Variants in LUZP2 observed in about 807,000 individuals in gnomAD.
LUZP2 encodes leucine zipper protein 2.
Under a neutral mutation model 51.6 loss-of-function variants are expected in LUZP2, and 52 were observed. That is an observed-to-expected ratio of 1.01 (90% CI 0.81 to 1.27). The LOEUF is 1.27. Ranked by LOEUF, LUZP2 falls within the 50% of genes most tolerant of loss-of-function variation. LUZP2 has a pLI of 0.00. For missense variants in LUZP2, 436 were observed against 395.4 expected, an observed-to-expected ratio of 1.10 and a Z score of -0.87; for synonymous variants, 154 against 137.3, an observed-to-expected ratio of 1.12 and a Z score of -0.85.
chr11:24,530,958 C>T (rs1286296624), intron 1 of LUZP2, among the ~76,000 whole-genome samples: 1 of 149,708 alleles, frequency 6.7e-6, no homozygotes, highest in Admixed American at 6.7e-5. Flanking sequence ...CTCCCTATAA[C>T]ATCTGTGTTC....
intron 1 of LUZP2, among the ~76,000 whole-genome samples, chr11:24,541,322 G>A (rs1428275358): frequency 6.6e-6 from 1 of 151,002 alleles, no homozygotes; most frequent in Non-Finnish European, 1.5e-5. Flanking sequence ...CAGCCCAAAG[G>A]ATTAGATATC....
intron 1 of LUZP2, among the ~76,000 whole-genome samples, chr11:24,523,392 G>A (rs1178075582): frequency 2.0e-5 from 3 of 151,418 alleles, no homozygotes; most frequent in African/African-American, 4.8e-5. Flanking sequence ...AACATTTTTG[G>A]TAAATTCTTT....
intron 7 of LUZP2, among the ~76,000 whole-genome samples, chr11:24,928,035 C>T (rs1404328322): frequency 6.6e-6 from 1 of 151,896 alleles, no homozygotes; most frequent in East Asian, 1.9e-4. Context: ...ATTTATTTAT[C>T]AGTTTGATCA....
At chr11:24,757,039 G>C (rs1179601908) in intron 4 of LUZP2, among the ~76,000 whole-genome samples, 1 of 152,140 alleles carries the variant, frequency 6.6e-6, no homozygotes, top group African/African-American at 2.4e-5. Context: ...TATGGGGAAG[G>C]GGCATGGGGC....
intron 9 of LUZP2, among the ~76,000 whole-genome samples, chr11:24,997,895 G>C (rs1856555768): frequency 6.6e-6 from 1 of 152,134 alleles, no homozygotes; most frequent in African/African-American, 2.4e-5. Flanking sequence ...CCCATTGCTT[G>C]TTTTTCTCAG....
intron 5 of LUZP2, among the ~76,000 whole-genome samples, chr11:24,832,633 A>C (rs2134181803): frequency 6.6e-6 from 1 of 151,752 alleles, no homozygotes; most frequent in South Asian, 2.1e-4. Context: ...CTAAAGTTTG[A>C]GACACACTAT....
intron 5 of LUZP2, among the ~76,000 whole-genome samples, chr11:24,837,670 A>C (rs1351178331): frequency 6.6e-6 from 1 of 151,754 alleles, no homozygotes; most frequent in Non-Finnish European, 1.5e-5. Context: ...TGAAGCTTCA[A>C]TTTGTAAAGT....
chr11:24,941,306 A>G (rs1854738553), intron 7 of LUZP2, among the ~76,000 whole-genome samples: 4 of 152,192 alleles, frequency 2.6e-5, no homozygotes, highest in Admixed American at 2.6e-4. Context: ...AAAGTTTTAT[A>G]AAATATATCA....
intron 1 of LUZP2, among the ~76,000 whole-genome samples, chr11:24,567,220 A>C (rs189173282): frequency 6.6e-6 from 1 of 151,396 alleles, no homozygotes; most frequent in East Asian, 1.9e-4. Flanking sequence ...TTGGTTAGAG[A>C]GGCTAAAGAG....
chr11:24,869,038 A>G (rs1286656913), intron 5 of LUZP2, among the ~76,000 whole-genome samples: 1 of 152,164 alleles, frequency 6.6e-6, no homozygotes, highest in Non-Finnish European at 1.5e-5. Context: ...TTTGGAACTT[A>G]CCAGCCTCAA....
chr11:24,563,184 T>C (rs1211703850), intron 1 of LUZP2, among the ~76,000 whole-genome samples: 3 of 152,182 alleles, frequency 2.0e-5, no homozygotes, highest in African/African-American at 7.2e-5. Context: ...CAATTTCCTC[T>C]ATTTGAAACT....
chr11:24,850,801 A>G (rs112160579), intron 5 of LUZP2, among the ~76,000 whole-genome samples: 15 of 152,210 alleles, frequency 9.9e-5, no homozygotes, highest in African/African-American at 3.4e-4. Context: ...TTCCTTGAGC[A>G]GTGGTTTGTA....
At chr11:24,681,652 G>A (rs2133870112) in intron 1 of LUZP2, among the ~76,000 whole-genome samples, 1 of 152,242 alleles carries the variant, frequency 6.6e-6, no homozygotes, top group South Asian at 2.1e-4. Flanking sequence ...AAAGAAATGA[G>A]CTATCTAGTT....
chr11:24,680,253 T>C (rs1856689638), intron 1 of LUZP2, among the ~76,000 whole-genome samples: 1 of 152,246 alleles, frequency 6.6e-6, no homozygotes, highest in Admixed American at 6.5e-5. Flanking sequence ...GGCTCATTAC[T>C]TTCACACTTT....
intron 1 of LUZP2, among the ~76,000 whole-genome samples, chr11:24,689,678 A>G (rs1391086750): frequency 1.3e-5 from 2 of 152,148 alleles, no homozygotes; most frequent in Non-Finnish European, 2.9e-5. Flanking sequence ...ACTTTAACAG[A>G]CAGACCTTTA....
At chr11:24,986,551 G>GTGTGTGTGTT (rs1554950279) in intron 9 of LUZP2, among the ~76,000 whole-genome samples, 5 of 151,152 alleles carry the variant, frequency 3.3e-5, no homozygotes, top group Admixed American at 6.6e-5. Context: ...GTGTGTGTGT[G>GTGTGTGTGTT]TGTGTGTGTG....
At chr11:24,984,449 T>G (rs1468447564) in intron 9 of LUZP2, among the ~76,000 whole-genome samples, 1 of 147,828 alleles carries the variant, frequency 6.8e-6, no homozygotes, top group African/African-American at 2.5e-5. Context: ...ATGTTTCTCT[T>G]TTAAAAATTA....
rs1414369500 is a variant in LUZP2, at chr11:24,602,246, A to ATATATGTACATATATGTG, written c.62+104946_62+104947insGTACATATATGTGTATAT. Among the ~76,000 whole-genome samples the ATATATGTACATATATGTG allele has an allele frequency of 1.1e-4, 16 of 141,794 alleles. No individual in the cohort carries two copies. In the East Asian group the frequency reaches 2.6e-3, roughly 23 times the overall value. The allele number at this position is 141,794 out of a possible 152,430, so 93.0% of individuals were successfully genotyped here. On this transcript the variant is annotated intron_variant, in intron 1 of 11. Coordinates refer to ENST00000336930, the MANE Select transcript of LUZP2 (RefSeq NM_001009909.4). ...TATGTACATATATGTGTATATATGT[A>ATATATGTACATATATGTG]TATATATGCAAACATATATGTACAT...
At chr11:24,696,301 T>C (rs1284624063) in intron 1 of LUZP2, among the ~76,000 whole-genome samples, 1 of 152,132 alleles carries the variant, frequency 6.6e-6, no homozygotes, top group African/African-American at 2.4e-5. Flanking sequence ...TCTGAAGTTA[T>C]TGAGTCACCA....
Sources: allele counts gnomAD v4.1 joint callset (sites outside exome capture counted in the v4.1 genomes callset), GRCh38; gene constraint gnomAD v4.1.1; transcripts MANE v1.5; gene names NCBI Gene and HGNC (gene_info 2026-07-23, HGNC 2026-07-21).